CFAP20DC: variants seen among roughly 807,000 people sequenced by gnomAD.
CFAP20DC encodes the protein CFAP20 domain containing.
Under a neutral mutation model 101.7 loss-of-function variants are expected in CFAP20DC, and 84 were observed. The observed-to-expected ratio is 0.83, with a 90% CI of 0.69 to 0.99. CFAP20DC has a LOEUF of 0.99. Ranked by LOEUF, CFAP20DC falls within the 50% of genes least tolerant of loss-of-function variation. The probability of loss-of-function intolerance (pLI) is 0.00; values close to 1 mark genes in which losing one functional copy is unlikely to be tolerated. For missense variants in CFAP20DC, 1,007 were observed against 970.3 expected, an observed-to-expected ratio of 1.04 and a Z score of -0.50; for synonymous variants, 359 against 351.2, an observed-to-expected ratio of 1.02 and a Z score of -0.25.
chr3:58,790,807 G>A (rs2072783041), intron 15 of CFAP20DC, among the ~76,000 whole-genome samples: 1 of 152,140 alleles, frequency 6.6e-6, no homozygotes, highest in African/African-American at 2.4e-5. Flanking sequence ...GTATCCAAAG[G>A]ACGGTGATTA....
rs2068738125 is a variant in CFAP20DC at position 58,753,849 on chromosome 3, A to G, written c.2252T>C (p.Met751Thr). 2 of 1,609,932 alleles carry G rather than the reference A, an allele frequency of 1.2e-6. No homozygotes were observed. Among genetic ancestry groups the G allele is most frequent in the Non-Finnish European group, 1.7e-6 (2 of 1,177,672 alleles). ...GGGAGGAACGATTGGTGGGCTCAAC[A>G]TATTTAACCAGTCCCTAAAAAGAAA... The part of the protein sequence containing the change: ...SPSNPRDWLN[M>T]LSPPIVPPSQ... The change falls in exon 16 of 17, where the codon ATG becomes ACG. Residue 751 changes from methionine to threonine, a missense_variant. Transcript: ENST00000482387.
rs147982163 is a variant in CFAP20DC, at chr3:58,735,963, C to T, written c.197+17806G>A. Among the ~76,000 whole-genome samples, 539 of 152,090 alleles carry T rather than the reference C, an allele frequency of 3.5e-3. 2 individuals are homozygous for T. Among genetic ancestry groups the T allele is most frequent in the African/African-American group, 0.011 (444 of 41,484 alleles). ...ATTCTTATGCTTAGCTAAAAAATGG[C>T]GCCACCATTTTTTTTAACTTAAATC... On this transcript the variant is annotated intron_variant, in intron 3 of 3. Transcript: ENST00000486145.
intron 4 of CFAP20DC, among the ~76,000 whole-genome samples, chr3:59,019,948 A>G (rs942364788): frequency 4.6e-5 from 7 of 152,128 alleles, no homozygotes; most frequent in Admixed American, 4.6e-4. Context: ...ATGATGTATT[A>G]TATCACAACA....
intron 4 of CFAP20DC, among the ~76,000 whole-genome samples, chr3:59,009,944 A>G (rs1023293772): frequency 3.9e-5 from 6 of 152,214 alleles, no homozygotes; most frequent in Admixed American, 1.3e-4. Flanking sequence ...AGAATTTTGT[A>G]TCTGGTGAAA....
At chr3:58,871,300 T>A (rs895028211) in intron 7 of CFAP20DC, among the ~76,000 whole-genome samples, 14 of 152,090 alleles carry the variant, frequency 9.2e-5, no homozygotes, top group Non-Finnish European at 1.8e-4. Flanking sequence ...AAGGAGAGGC[T>A]AGGGTCATAC....
At chr3:58,958,476 T>A (rs940599731) in intron 4 of CFAP20DC, among the ~76,000 whole-genome samples, 4 of 152,170 alleles carry the variant, frequency 2.6e-5, no homozygotes, top group African/African-American at 9.7e-5. Flanking sequence ...ACCTGAATGA[T>A]GCTGCTATGA....
At chr3:58,845,210 T>G (rs1193105160) in intron 13 of CFAP20DC, among the ~76,000 whole-genome samples, 4 of 149,826 alleles carry the variant, frequency 2.7e-5, no homozygotes, top group Non-Finnish European at 4.5e-5. Flanking sequence ...TTCAAAAAAT[T>G]AATGAATCCA....
At chr3:58,778,319 C>A (rs946430044) in intron 15 of CFAP20DC, among the ~76,000 whole-genome samples, 2 of 152,186 alleles carry the variant, frequency 1.3e-5, no homozygotes, top group Non-Finnish European at 2.9e-5. Context: ...CCTGAGCACA[C>A]TGTCTAGGGG....
At chr3:58,939,806 G>T (rs1474157159) in intron 4 of CFAP20DC, among the ~76,000 whole-genome samples, 1 of 116,856 alleles carries the variant, frequency 8.6e-6, no homozygotes, top group Non-Finnish European at 1.7e-5. Context: ...CGCCCTTGTC[G>T]CCCAGGCTGG....
At chr3:58,941,174 C>T (rs1158299890) in intron 4 of CFAP20DC, among the ~76,000 whole-genome samples, 1 of 151,084 alleles carries the variant, frequency 6.6e-6, no homozygotes, top group East Asian at 1.9e-4. Flanking sequence ...ACTAAAAATA[C>T]AGAAATTAGC....
chr3:59,030,809 TTTTTTG>T (rs531223275), intron 4 of CFAP20DC, among the ~76,000 whole-genome samples: 1,785 of 152,238 alleles, frequency 0.012, 35 homozygotes, highest in African/African-American at 0.04. Context: ...CTTTAAGTTT[TTTTTTG>T]TTTTTGTTTT....
intron 4 of CFAP20DC, among the ~76,000 whole-genome samples, chr3:58,983,952 A>G (rs1244997411): frequency 2.6e-5 from 4 of 152,202 alleles, no homozygotes; most frequent in African/African-American, 9.6e-5. Context: ...TACTGTCTTC[A>G]CCCTTGACCC....
chr3:58,759,085 T>G (rs1048654391), intron 15 of CFAP20DC, among the ~76,000 whole-genome samples: 3 of 152,218 alleles, frequency 2.0e-5, no homozygotes, highest in African/African-American at 7.2e-5. Context: ...ATGGTATTTC[T>G]AGTTCTAGAT....
At position 58,863,385 on chromosome 3, in the gene CFAP20DC, A is replaced by G. The variant is rs2079408643; in HGVS notation, c.1593+173T>C. On this transcript the variant is annotated intron_variant, in intron 12 of 16. Transcript: ENST00000482387. This position sits in a 1 kb window ranked among gnomAD's most constrained non-coding sequence, Gnocchi z 5.9. Reference sequence around the variant, plus strand: ...GACTGTTAATTAAAAAAAAAAAAAGACAGTTTAAAGTTACCATAACAACCT... The same window carrying G: ...GACTGTTAATTAAAAAAAAAAAAAGGCAGTTTAAAGTTACCATAACAACCT... 1 of 1,382,592 alleles carries G rather than the reference A, an allele frequency of 7.2e-7. No homozygotes were observed. Among genetic ancestry groups the G allele is most frequent in the South Asian group, 1.9e-5 (1 of 53,064 alleles). 85.6% of individuals were successfully genotyped at this position (1,382,592 alleles called of 1,614,324 possible). A position where few individuals can be genotyped will look rare whatever the true frequency, so the allele number is the denominator to read the frequency against.
At chr3:58,886,570 A>C (rs965553216) in intron 6 of CFAP20DC, among the ~76,000 whole-genome samples, 5 of 151,880 alleles carry the variant, frequency 3.3e-5, no homozygotes, top group African/African-American at 4.8e-5. Context: ...TAAAAAAAAA[A>C]CAAAAAAATT....
In CFAP20DC at chr3:58,897,179, T is replaced by C. The variant is rs1304862500; in HGVS notation, c.551-12470A>G. Among the ~76,000 whole-genome samples, 1 of 152,220 alleles carries C rather than the reference T, an allele frequency of 6.6e-6. No individual in the cohort carries two copies. Among genetic ancestry groups the C allele is most frequent in the African/African-American group, 2.4e-5 (1 of 41,454 alleles). ...TTGATATTTGTTGGTTTAAAGTCTA[T>C]TTGTCAGAAACTAGGATTGCAACCC... On this transcript the variant is annotated intron_variant, in intron 6 of 16. Coordinates refer to ENST00000482387, the MANE Select transcript of CFAP20DC (RefSeq NM_001394063.1). This position sits in a 1 kb window ranked among gnomAD's most constrained non-coding sequence, Gnocchi z 4.4.
At chr3:58,801,572 G>C (rs1329992123) in intron 15 of CFAP20DC, among the ~76,000 whole-genome samples, 1 of 151,838 alleles carries the variant, frequency 6.6e-6, no homozygotes, top group East Asian at 1.9e-4. Context: ...AAACTAAAAA[G>C]CTTAATCAAT....
At chr3:58,827,775 A>T (rs559009591) in intron 14 of CFAP20DC, among the ~76,000 whole-genome samples, 1 of 152,094 alleles carries the variant, frequency 6.6e-6, no homozygotes, top group Non-Finnish European at 1.5e-5. Context: ...CCCCACCAAA[A>T]CTGTGAATAC....
intron 13 of CFAP20DC, among the ~76,000 whole-genome samples, chr3:58,846,739 G>C (rs1431434484): frequency 2.7e-5 from 4 of 148,242 alleles, no homozygotes; most frequent in South Asian, 2.2e-4. Context: ...AAAGCTGGAG[G>C]CATCACACTA....
Sources: gnomAD v4.1 joint callset for allele counts (sites outside exome capture counted in the v4.1 genomes callset) on GRCh38, gnomAD v4.1.1 for gene constraint, Gnocchi (gnomAD v3.1) non-coding constraint, MANE v1.5 for transcripts, NCBI Gene and HGNC (gene_info 2026-07-23, HGNC 2026-07-21) for gene names.